Variants in KLC1 observed in about 807,000 individuals in gnomAD.
KLC1 encodes kinesin light chain 1.
KLC1 carries 30 observed loss-of-function variants against 84.2 expected under a neutral mutation model. The observed-to-expected ratio is 0.36, with a 90% CI of 0.27 to 0.48. The LOEUF (loss-of-function observed/expected upper bound fraction) is 0.48. Ranked by LOEUF, KLC1 falls within the 20% of genes least tolerant of loss-of-function variation. KLC1 has a pLI of 0.99. For missense variants in KLC1, 499 were observed against 805.4 expected, an observed-to-expected ratio of 0.62 and a Z score of 4.60; for synonymous variants, 289 against 293.3, an observed-to-expected ratio of 0.99 and a Z score of 0.15.
At chr14:103,649,857 G>A (rs1403820545) in intron 1 of KLC1, among the ~76,000 whole-genome samples, 11 of 151,936 alleles carry the variant, frequency 7.2e-5, no homozygotes, top group African/African-American at 1.9e-4. Flanking sequence ...CATCGCGCCC[G>A]GCTAATTTTT....
intron 13 of KLC1, chr14:103,679,863 C>T: frequency 3.9e-6 from 1 of 257,554 alleles, no homozygotes; most frequent in Non-Finnish European, 7.3e-6. Context: ...AGATAACTAA[C>T]TTGCTTCTTT....
rs747927843 is a variant in KLC1, at chr14:103,636,614, G to A, written c.-2+7120G>A. 2.6e-5 allele frequency among the ~76,000 whole-genome samples: 4 copies of A among 152,030 alleles called. No homozygotes were observed. The East Asian group carries it at 5.8e-4, about 22-fold the overall frequency. On this transcript the variant is annotated intron_variant, in intron 1 of 16. Transcript: ENST00000334553. ...TCACTGATGACTCATAATGGTGAGC[G>A]CTTACATGCTTGTCGGTCTTTGTAT...
At chr14:103,641,311 T>C (rs2077468605) in intron 1 of KLC1, among the ~76,000 whole-genome samples, 2 of 152,168 alleles carry the variant, frequency 1.3e-5, no homozygotes, top group Non-Finnish European at 2.9e-5. Context: ...CCATCCAAGA[T>C]ACCATATCAC....
Position 103,636,789 on chromosome 14 carries a change from C to T in KLC1, c.-2+7295C>T, listed in dbSNP as rs140016698. Among the ~76,000 whole-genome samples the T allele has an allele frequency of 9.5e-4, 144 of 152,038 alleles. 3 individuals carry two copies. The East Asian group carries it at 0.02, about 21-fold the overall frequency. Reference sequence around the variant, plus strand: ...CCAGGCTTGAGTGCAGTGGCGCGATCTCGGCTCACTGCAAGCTCTGCCTCC... The same window carrying T: ...CCAGGCTTGAGTGCAGTGGCGCGATTTCGGCTCACTGCAAGCTCTGCCTCC... On this transcript the variant is annotated intron_variant, in intron 1 of 16. Transcript: ENST00000334553.
intron 1 of KLC1, among the ~76,000 whole-genome samples, chr14:103,635,888 G>C (rs2077006555): frequency 6.6e-6 from 1 of 152,010 alleles, no homozygotes; most frequent in Non-Finnish European, 1.5e-5. Flanking sequence ...CAGTTTTTTT[G>C]CTTCGCGGTA....
intron 1 of KLC1, among the ~76,000 whole-genome samples, chr14:103,647,618 C>G (rs899533402): frequency 3.3e-5 from 5 of 151,956 alleles, no homozygotes; most frequent in Admixed American, 6.6e-5. Flanking sequence ...TGGCTCACGC[C>G]TGTAATCCCA....
intron 7 of KLC1, among the ~76,000 whole-genome samples, chr14:103,672,491 G>A (rs2080483893): frequency 6.6e-6 from 1 of 152,182 alleles, no homozygotes; most frequent in Non-Finnish European, 1.5e-5. Context: ...AGAACAACCA[G>A]GTGATGTGCC....
chr14:103,654,949 G>T lies in KLC1; in HGVS notation c.261+124G>T, dbSNP rs1206663078. 1.3e-5 allele frequency: 15 copies of T among 1,115,128 alleles called. No individual in the cohort carries two copies. The East Asian group carries it at 3.9e-4, about 29-fold the overall frequency. The allele number at this position is 1,115,128 out of a possible 1,614,324, so 69.1% of individuals were successfully genotyped here. A position where few individuals can be genotyped will look rare whatever the true frequency, so the allele number is the denominator to read the frequency against. Reference sequence around the variant, plus strand: ...TTATAGAATAACAGATCCAGGCCGAGTGCGGTGTGGCTCAGGCCTGTAATC... The same window carrying T: ...TTATAGAATAACAGATCCAGGCCGATTGCGGTGTGGCTCAGGCCTGTAATC... On this transcript the variant is annotated intron_variant, in intron 2 of 16. Transcript: ENST00000334553.
rs908025627 is a variant in KLC1 at position 103,693,066 on chromosome 14, C to T, written c.1848+641C>T. 6.6e-6 allele frequency among the ~76,000 whole-genome samples: 1 copy of T among 152,230 alleles called. No individual in the cohort carries two copies. The highest frequency in any genetic ancestry group is 2.4e-5 in the African/African-American group (1 of 41,452). ...GCTCTAGAACCTGTTTCTCAGGTGC[C>T]TGGGGCCCACCCGGCAGCTCGAGCT... On this transcript the variant is annotated intron_variant, in intron 15 of 16. Coordinates refer to ENST00000334553, the MANE Select transcript of KLC1 (RefSeq NM_001394837.1). The surrounding 1 kb of genome is among the most constrained non-coding windows in gnomAD (Gnocchi z 5.1).
chr14:103,676,761 T>C (rs1280674455), intron 11 of KLC1, among the ~76,000 whole-genome samples: 4 of 152,232 alleles, frequency 2.6e-5, no homozygotes, highest in Non-Finnish European at 4.4e-5. Context: ...GAAGTACTTA[T>C]CTATGCTAAA....
chr14:103,700,268 A>C, intron 15 of KLC1: 1 of 219,562 alleles, frequency 4.6e-6, no homozygotes, highest in Non-Finnish European at 9.1e-6. Context: ...AGGGGTGGAA[A>C]CAGCCCTGTG....
intron 14 of KLC1, among the ~76,000 whole-genome samples, chr14:103,691,732 G>T (rs1258431410): frequency 6.6e-6 from 1 of 152,016 alleles, no homozygotes; most frequent in East Asian, 1.9e-4. Context: ...GCCTCCCAAA[G>T]ATTACAGGTG....
intron 1 of KLC1, among the ~76,000 whole-genome samples, chr14:103,630,839 G>T (rs2076616621): frequency 6.6e-6 from 1 of 152,196 alleles, no homozygotes; most frequent in Non-Finnish European, 1.5e-5. Context: ...AGTCATCAAA[G>T]AATGCAGCAT....
chr14:103,689,732 C>G (rs978270807), intron 14 of KLC1, among the ~76,000 whole-genome samples: 1 of 152,210 alleles, frequency 6.6e-6, no homozygotes, highest in African/African-American at 2.4e-5. Context: ...TGCTGTTTGG[C>G]TGACTCCTAA....
At chr14:103,661,308 G>C (rs932892762) in intron 3 of KLC1, among the ~76,000 whole-genome samples, 18 of 152,160 alleles carry the variant, frequency 1.2e-4, no homozygotes, top group Non-Finnish European at 2.6e-4. Context: ...GCATGTGGCC[G>C]TCACATCTGT....
intron 15 of KLC1, chr14:103,699,946 GT>G (rs2082998189): frequency 1.2e-5 from 4 of 340,238 alleles, no homozygotes; most frequent in Non-Finnish European, 2.3e-5. Context: ...CCCCTCACAG[GT>G]CAGCAGCAAC....
Position 103,694,087 on chromosome 14 carries a change from C to T in KLC1, c.1848+1662C>T, listed in dbSNP as rs544539500. On this transcript the variant is annotated intron_variant, in intron 15 of 16. Transcript: ENST00000334553. This position sits in a 1 kb window ranked among gnomAD's most constrained non-coding sequence, Gnocchi z 4.5. The stretch of plus-strand genomic sequence containing the variant: ...TATGGCAGTAAAGCCTGAAGCTTAG[C>T]GGACACTGGTCAGTGGGAAGTGAAT... 1.2e-5 allele frequency: 12 copies of T among 984,736 alleles called. No homozygotes were observed. The highest frequency in any genetic ancestry group is 1.7e-5 in the African/African-American group (1 of 57,332). 61.0% of individuals were successfully genotyped at this position (984,736 alleles called of 1,614,324 possible). A position where few individuals can be genotyped will look rare whatever the true frequency, so the allele number is the denominator to read the frequency against.
chr14:103,658,257 GTTT>G (rs773276384), intron 3 of KLC1, among the ~76,000 whole-genome samples: 39 of 152,056 alleles, frequency 2.6e-4, no homozygotes, highest in Admixed American at 3.3e-4. Flanking sequence ...AACGATCTTG[GTTT>G]TCTTCTTCTT....
rs1372504460 is a variant in KLC1 at position 103,692,212 on chromosome 14, TC to T, written c.1782-143del. ...CACTAAATAGAGTGAGACATAGGAC[TC>T]CCCGGTTACCCAAGCAAGATGAAGG... On this transcript the variant is annotated intron_variant, in intron 14 of 16. Coordinates refer to ENST00000334553, the MANE Select transcript of KLC1 (RefSeq NM_001394837.1). 7 of 652,644 alleles carry T rather than the reference TC, an allele frequency of 1.1e-5. No individual in the cohort carries two copies. The East Asian group carries it at 1.4e-4, about 13-fold the overall frequency. The allele number at this position is 652,644 out of a possible 1,614,324, so 40.4% of individuals were successfully genotyped here. A position where few individuals can be genotyped will look rare whatever the true frequency, so the allele number is the denominator to read the frequency against.
Sources: allele counts gnomAD v4.1 joint callset (sites outside exome capture counted in the v4.1 genomes callset), GRCh38; gene constraint gnomAD v4.1.1; non-coding constraint Gnocchi (gnomAD v3.1); transcripts MANE v1.5; gene names NCBI Gene and HGNC (gene_info 2026-07-23, HGNC 2026-07-21).